Variants in SVIL observed in about 807,000 individuals in gnomAD.
SVIL encodes the protein archvillin.
A neutral mutation model predicts 240.4 loss-of-function variants in SVIL; 101 were observed. That is an observed-to-expected ratio of 0.42 (90% CI 0.36 to 0.50). The LOEUF is 0.50. Among genes scored for constraint, SVIL ranks in the 20% least tolerant of loss-of-function variants. The pLI, the probability that SVIL is intolerant of heterozygous loss-of-function variation, is 0.01. For missense variants in SVIL, 2,512 were observed against 2,818.7 expected (o/e 0.89, Z 2.46); for synonymous variants, 999 against 1,100.0 (o/e 0.91, Z 1.82).
At chr10:29,732,546 C>T (rs79958080) in intron 1 of SVIL, among the ~76,000 whole-genome samples, 2,370 of 152,262 alleles carry the variant, frequency 0.016, 70 homozygotes, top group African/African-American at 0.055. Flanking sequence ...GTTTAACTGA[C>T]CTATGCTTCA....
intron 32 of SVIL, 137 bp downstream of exon 32, chr10:29,470,139 C>T: frequency 2.0e-6 from 2 of 981,942 alleles, no homozygotes; most frequent in South Asian, 1.5e-5. Context: ...AGGCCCCTGA[C>T]CACGTTCCCA....
intron 2 of SVIL, among the ~76,000 whole-genome samples, chr10:29,661,536 T>A (rs1247458): frequency 0.17 from 26,515 of 152,130 alleles, 2,493 homozygotes; most frequent in South Asian, 0.33. Flanking sequence ...TTGTCTCTTC[T>A]CTCCGGGGCT....
intron 1 of SVIL, among the ~76,000 whole-genome samples, chr10:29,697,105 C>G (rs1295014844): frequency 3.3e-4 from 39 of 118,912 alleles, no homozygotes; most frequent in Admixed American, 5.7e-4. Flanking sequence ...GTGAGGAGCC[C>G]CTCTGCCCGG....
In SVIL at chr10:29,465,306, C is replaced by T. The variant is rs529871536; in HGVS notation, c.6133+289G>A. ...ACTGAGAGGAAGGCTGGGAAAAGAG[C>T]GGAGACGCCAGGCCTGCCGCTGTGG... On this transcript the variant is annotated intron_variant, in intron 34 of 37. Coordinates refer to ENST00000355867, the MANE Select transcript of SVIL (RefSeq NM_021738.3). Among the ~76,000 whole-genome samples the T allele has an allele frequency of 1.2e-3, 180 of 152,218 alleles. 1 individual carries two copies. The highest frequency in any genetic ancestry group is 3.8e-3 in the African/African-American group (158 of 41,534).
intron 1 of SVIL, among the ~76,000 whole-genome samples, chr10:29,599,790 C>G (rs1025939076): frequency 1.3e-5 from 2 of 152,072 alleles, no homozygotes; most frequent in Non-Finnish European, 2.9e-5. Context: ...GTCAGATAGA[C>G]AGGATATGGG....
chr10:29,568,818 G>GATGT (rs1491334649), intron 2 of SVIL, among the ~76,000 whole-genome samples: 3 of 148,464 alleles, frequency 2.0e-5, no homozygotes, highest in Non-Finnish European at 3.0e-5. Context: ...TGGATGGATG[G>GATGT]ATGTGTGTGT....
chr10:29,564,348 G>A (rs1954780750), intron 2 of SVIL, among the ~76,000 whole-genome samples: 1 of 152,166 alleles, frequency 6.6e-6, no homozygotes, highest in Non-Finnish European at 1.5e-5. Flanking sequence ...GTCACCCCAA[G>A]ACTGCTGTGT....
rs376302704 is a variant in SVIL at position 29,512,724 on chromosome 10, G to T, written c.3516+11C>A. On this transcript the variant is annotated intron_variant, in intron 17 of 37. Transcript: ENST00000355867. Reference sequence around the variant, plus strand: ...TAGTCGGAAGGCTTTTCCTAACATGGGGAATGTTACCTTCTTGATGAGGGA... The same window carrying T: ...TAGTCGGAAGGCTTTTCCTAACATGTGGAATGTTACCTTCTTGATGAGGGA... 6.2e-7 allele frequency: 1 copy of T among 1,614,154 alleles called. No individual in the cohort carries two copies. Among genetic ancestry groups the T allele is most frequent in the Non-Finnish European group, 8.5e-7 (1 of 1,180,044 alleles).
At chr10:29,724,194 T>TTTC (rs71023504) in intron 1 of SVIL, among the ~76,000 whole-genome samples, 2 of 150,972 alleles carry the variant, frequency 1.3e-5, no homozygotes, top group African/African-American at 4.9e-5. Flanking sequence ...TTTTTTTTTT[T>TTTC]CAAGAAGCCT....
rs780995405 is a variant in SVIL at position 29,470,324 on chromosome 10, G to T, written c.5795C>A (p.Ala1932Asp). Residue 1932 changes from alanine (A) to aspartate (D), a missense_variant, in exon 32 of 38, where the codon GCC becomes GAC. By Grantham distance (126) the Ala-to-Asp change is moderately radical. Transcript: ENST00000355867. ...GGTCCTTCCGACCTCCTTCGTGTGGGCCTGGGCTTTGCATCCGTGCCACAG... is the reference window on the plus strand; with the variant it reads ...GGTCCTTCCGACCTCCTTCGTGTGGTCCTGGGCTTTGCATCCGTGCCACAG... Reference protein sequence around the residue: ...IYLWHGCKAQAHTKEVGRTAA... With the variant: ...IYLWHGCKAQDHTKEVGRTAA... The T allele has an allele frequency of 6.2e-7, 1 of 1,614,178 alleles. No individual in the cohort carries two copies. The highest frequency in any genetic ancestry group is 1.1e-5 in the South Asian group (1 of 91,084).
chr10:29,586,137 G>A (rs1194483388), intron 1 of SVIL, among the ~76,000 whole-genome samples: 2 of 152,214 alleles, frequency 1.3e-5, no homozygotes, highest in Non-Finnish European at 2.9e-5. Flanking sequence ...GGTCCCCGTG[G>A]ATGCTCGGCT....
At chr10:29,729,826 T>TC (rs1964514408) in intron 1 of SVIL, among the ~76,000 whole-genome samples, 1 of 82,788 alleles carries the variant, frequency 1.2e-5, no homozygotes, top group Admixed American at 1.9e-4. Context: ...AGAGTGAGAC[T>TC]CCATCTCAAA....
chr10:29,722,270 AT>A (rs1224730448), intron 1 of SVIL, among the ~76,000 whole-genome samples: 1 of 151,684 alleles, frequency 6.6e-6, no homozygotes, highest in Non-Finnish European at 1.5e-5. Context: ...AAAAAACTGC[AT>A]CAGCAAGTAC....
intron 34 of SVIL, among the ~76,000 whole-genome samples, chr10:29,464,494 C>T (rs1021263976): frequency 2.6e-5 from 4 of 152,124 alleles, no homozygotes; most frequent in Non-Finnish European, 5.9e-5. Flanking sequence ...CCTTTTCCTC[C>T]TACCTTTTTC....
At chr10:29,465,507 T>C (rs1042435613) in intron 34 of SVIL, 88 bp downstream of exon 34, 6 of 1,486,042 alleles carry the variant, frequency 4.0e-6, no homozygotes, top group Non-Finnish European at 5.4e-6. Context: ...AAACAGAAGC[T>C]GCTTAATAAA....
intron 1 of SVIL, among the ~76,000 whole-genome samples, chr10:29,618,775 G>A (rs1309144218): frequency 6.6e-6 from 1 of 151,572 alleles, no homozygotes; most frequent in Non-Finnish European, 1.5e-5. Context: ...GCTGGAGTGC[G>A]GTGGCGCAAT....
chr10:29,647,639 G>T (rs906405237), intron 3 of SVIL, among the ~76,000 whole-genome samples: 6 of 150,762 alleles, frequency 4.0e-5, no homozygotes, highest in Non-Finnish European at 8.9e-5. Context: ...GTGTGTGTTT[G>T]TGTGTGTGTG....
chr10:29,681,201 G>A (rs937720543), intron 2 of SVIL, among the ~76,000 whole-genome samples: 1 of 152,144 alleles, frequency 6.6e-6, no homozygotes, highest in African/African-American at 2.4e-5. Context: ...AGGGAATTGT[G>A]TGGGAAGAGA....
chr10:29,534,225 G>A (rs921137608), intron 7 of SVIL, among the ~76,000 whole-genome samples: 9 of 152,194 alleles, frequency 5.9e-5, no homozygotes, highest in Non-Finnish European at 1.3e-4. Flanking sequence ...AAGAGAGGCC[G>A]GGCCCTGGGG....
Sources: allele counts gnomAD v4.1 joint callset (sites outside exome capture counted in the v4.1 genomes callset), GRCh38; gene constraint gnomAD v4.1.1; transcripts MANE v1.5; gene names NCBI Gene and HGNC (gene_info 2026-07-23, HGNC 2026-07-21).